The following PHEX variants were observed in gnomAD, a reference collection of about 807,000 sequenced individuals.
PHEX encodes phosphate-regulating neutral endopeptidase PHEX.
PHEX carries 16 observed loss-of-function variants against 68.0 expected under a neutral mutation model. That is an observed-to-expected ratio of 0.24 (90% CI 0.16 to 0.36). The LOEUF is 0.36. Among genes scored for constraint, PHEX ranks in the 10% least tolerant of loss-of-function variants. PHEX has a pLI of 1.00. For missense variants in PHEX, 480 were observed against 575.5 expected, an observed-to-expected ratio of 0.83 and a Z score of 1.70; for synonymous variants, 208 against 205.1, an observed-to-expected ratio of 1.01 and a Z score of -0.12.
intron 12 of PHEX, among the ~76,000 whole-genome samples, chrX:22,164,642 C>T (rs1436564166): frequency 8.9e-6 from 1 of 112,135 alleles, no homozygotes; most frequent in East Asian, 2.8e-4. Context: ...TCCGTTCGTT[C>T]GTTCTTTTCT....
At chrX:22,244,916 C>G (rs1173850547) in intron 20 of PHEX, among the ~76,000 whole-genome samples, 1 of 111,769 alleles carries the variant, frequency 8.9e-6, no homozygotes, top group Admixed American at 9.5e-5. Flanking sequence ...GAGCAAGGCA[C>G]TCAGGGGCAG....
rs951639378 is a variant in PHEX at position 22,230,746 on chromosome X, T to C, written c.2070+3135T>C. Among the ~76,000 whole-genome samples the C allele has an allele frequency of 3.6e-5, 4 of 111,801 alleles. No individual in the cohort carries two copies. The East Asian group carries it at 1.1e-3, about 31-fold the overall frequency. ...AAACAGAGACAGTTTGACTTCCTCT[T>C]TTCCTATTTCAATACCCTTTATTTC... On this transcript the variant is annotated intron_variant, in intron 20 of 21. Coordinates refer to ENST00000379374, the MANE Select transcript of PHEX (RefSeq NM_000444.6).
At chrX:22,204,234 C>T (rs1352414704) in intron 15 of PHEX, among the ~76,000 whole-genome samples, 5 of 111,227 alleles carry the variant, frequency 4.5e-5, no homozygotes, top group Non-Finnish European at 9.4e-5. Context: ...GCTGATGCTG[C>T]TGGTTTGCAG....
intron 2 of PHEX, among the ~76,000 whole-genome samples, chrX:22,044,477 C>T (rs1196265261): frequency 1.8e-5 from 2 of 110,993 alleles, no homozygotes; most frequent in Non-Finnish European, 3.8e-5. Context: ...TTTGGGAGGC[C>T]AAGGTGGGTG....
intron 3 of PHEX, among the ~76,000 whole-genome samples, chrX:22,050,175 ATAAAG>A (rs1927755248): frequency 8.9e-6 from 1 of 112,893 alleles, no homozygotes; most frequent in African/African-American, 3.2e-5. Flanking sequence ...GATGCCTAGT[ATAAAG>A]TAAAGCTTTG....
chrX:22,234,327 T>TGTCA (rs1256172648), intron 20 of PHEX, among the ~76,000 whole-genome samples: 2 of 112,669 alleles, frequency 1.8e-5, no homozygotes, highest in African/African-American at 6.4e-5. Context: ...CTGCGCTGGC[T>TGTCA]GTCAGGCAGG....
rs182673973 is a variant in PHEX at position 22,195,985 on chromosome X, T to G, written c.1645+5483T>G. On this transcript the variant is annotated intron_variant, in intron 15 of 21. Transcript: ENST00000379374. ...TTAACCCAGGAGTTCGAGACTAGCC[T>G]GGGCCATATAGCAAGACCCTGTGTC... 5.0e-3 allele frequency among the ~76,000 whole-genome samples: 555 copies of G among 111,405 alleles called. 4 individuals are homozygous for G. Among genetic ancestry groups the G allele is most frequent in the African/African-American group, 0.017 (526 of 30,609 alleles).
chrX:22,248,700 C>T lies in PHEX; in HGVS notation c.*747C>T, dbSNP rs1306786902. 8.9e-6 allele frequency: 1 copy of T among 111,877 alleles called. No homozygotes were observed. Among genetic ancestry groups the T allele is most frequent in the Non-Finnish European group, 1.9e-5 (1 of 53,231 alleles). The allele number at this position is 111,877 out of a possible 1,213,427, so 9.2% of individuals were successfully genotyped here. ...ACATATCTTTAGGTCCCAGAAGCAG[C>T]AAAACCTCCTAGTTACATAACAGCA... On this transcript the variant is annotated 3_prime_UTR_variant, in exon 22 of 22. Coordinates refer to ENST00000379374, the MANE Select transcript of PHEX (RefSeq NM_000444.6).
chrX:22,171,657 A>G (rs184536325), intron 13 of PHEX: 14 of 110,964 alleles, frequency 1.3e-4, no homozygotes, highest in African/African-American at 4.6e-4. Flanking sequence ...GATAGAGAAA[A>G]TGAATAAAAC....
At chrX:22,190,638 C>A (rs978417114) in intron 15 of PHEX, 136 bp downstream of exon 15, 2 of 537,425 alleles carry the variant, frequency 3.7e-6, no homozygotes, top group Non-Finnish European at 6.7e-6. Flanking sequence ...AGGTTGTTCT[C>A]CTACCTATAT....
At chrX:22,136,917 A>G (rs764182951) in intron 12 of PHEX, among the ~76,000 whole-genome samples, 1 of 112,177 alleles carries the variant, frequency 8.9e-6, no homozygotes, top group African/African-American at 3.2e-5. Flanking sequence ...TGTAGGTTTC[A>G]AGTGGAAATT....
intron 20 of PHEX, among the ~76,000 whole-genome samples, chrX:22,239,718 CCTCCAAGAAAT>C (rs1318280742): frequency 1.8e-5 from 2 of 111,066 alleles, no homozygotes; most frequent in East Asian, 5.6e-4. Flanking sequence ...ATGAACAAAG[CCTCCAAGAAAT>C]ATGGGACTCT....
At chrX:22,183,849 A>C (rs757923871) in intron 14 of PHEX, among the ~76,000 whole-genome samples, 1 of 112,053 alleles carries the variant, frequency 8.9e-6, no homozygotes, top group South Asian at 3.7e-4. Flanking sequence ...GTCATTATTC[A>C]TTTAGTTGTG....
At chrX:22,045,232 T>C (rs779872990) in intron 2 of PHEX, among the ~76,000 whole-genome samples, 3 of 112,114 alleles carry the variant, frequency 2.7e-5, no homozygotes, top group Non-Finnish European at 3.8e-5. Context: ...CTGTAAGATA[T>C]GTATCTAAAT....
At position 22,200,863 on chromosome X, in the gene PHEX, C is replaced by A. The variant is rs564602533; in HGVS notation, c.1645+10361C>A. On this transcript the variant is annotated intron_variant, in intron 15 of 21. Transcript: ENST00000379374. ...TCCCCAAGTCCTACTGATTTCATGTCCAAAAGGGTTGTGGCATCAAGCAGT... is the reference window on the plus strand; with the variant it reads ...TCCCCAAGTCCTACTGATTTCATGTACAAAAGGGTTGTGGCATCAAGCAGT... Among the ~76,000 whole-genome samples, 27 of 110,636 alleles carry A rather than the reference C, an allele frequency of 2.4e-4. No homozygotes were observed. The South Asian group carries it at 9.7e-3, about 40-fold the overall frequency.
intron 21 of PHEX, among the ~76,000 whole-genome samples, chrX:22,247,006 G>T (rs993311657): frequency 9.0e-6 from 1 of 111,469 alleles, no homozygotes; most frequent in Non-Finnish European, 1.9e-5. Context: ...TCACACAATG[G>T]CAATACCACT....
intron 20 of PHEX, among the ~76,000 whole-genome samples, chrX:22,232,083 G>C (rs1602418947): frequency 8.9e-6 from 1 of 112,092 alleles, no homozygotes; most frequent in Non-Finnish European, 1.9e-5. Flanking sequence ...GTGGTTTTGA[G>C]TGAGTTTCTT....
At chrX:22,230,072 T>G (rs1374162826) in intron 20 of PHEX, among the ~76,000 whole-genome samples, 1 of 110,268 alleles carries the variant, frequency 9.1e-6, no homozygotes, top group Non-Finnish European at 1.9e-5. Flanking sequence ...GTGTTATTTC[T>G]GAGGGCTCTG....
chrX:22,137,411 A>G (rs1932279094), intron 12 of PHEX, among the ~76,000 whole-genome samples: 1 of 111,937 alleles, frequency 8.9e-6, no homozygotes, highest in African/African-American at 3.3e-5. Context: ...CAGCAGGTGC[A>G]GAGAAGTCGG....
Sources: gnomAD v4.1 joint callset for allele counts (sites outside exome capture counted in the v4.1 genomes callset) on GRCh38, gnomAD v4.1.1 for gene constraint, MANE v1.5 for transcripts, NCBI Gene and HGNC (gene_info 2026-07-23, HGNC 2026-07-21) for gene names.